Variants in CCDC50 observed in about 807,000 individuals in gnomAD.
CCDC50 encodes the protein coiled-coil domain-containing protein 50.
A neutral mutation model predicts 70.2 loss-of-function variants in CCDC50; 54 were observed. The observed-to-expected ratio is 0.77, with a 90% CI of 0.62 to 0.96. The LOEUF (loss-of-function observed/expected upper bound fraction) is 0.96, where lower values mean the gene tolerates loss of function less well. Among genes scored for constraint, CCDC50 ranks in the 50% least tolerant of loss-of-function variants. CCDC50 has a pLI of 0.00. For missense variants in CCDC50, 558 were observed against 578.7 expected (o/e 0.96, Z 0.37); for synonymous variants, 216 against 198.8 (o/e 1.09, Z -0.73).
In CCDC50 at chr3:191,357,077, A is replaced by G. The variant is rs1217313769; in HGVS notation, c.50-11A>G. On this transcript the variant is annotated splice_polypyrimidine_tract_variant and intron_variant, in intron 1 of 11. Coordinates refer to ENST00000392455, the MANE Select transcript of CCDC50 (RefSeq NM_178335.3). ...GAGCCTTCCTGTCTGTTTTTCCTCC[A>G]TCTACTCTAGTATGCCGAGATTTTG... 1 of 1,592,620 alleles carries G rather than the reference A, an allele frequency of 6.3e-7. No homozygotes were observed. The highest frequency in any genetic ancestry group is 8.6e-7 in the Non-Finnish European group (1 of 1,161,524).
intron 7 of CCDC50, 132 bp downstream of exon 7, chr3:191,380,406 A>C (rs1713277050): frequency 1.4e-6 from 1 of 737,174 alleles, no homozygotes; most frequent in Non-Finnish European, 2.4e-6. Flanking sequence ...AAAAATCATG[A>C]CAATAGGAAT....
chr3:191,357,084 C>G lies in CCDC50; in HGVS notation c.50-4C>G, dbSNP rs188384. ...CCTGTCTGTTTTTCCTCCATCTACTCTAGTATGCCGAGATTTTGCTGTCCT... is the reference window on the plus strand; with the variant it reads ...CCTGTCTGTTTTTCCTCCATCTACTGTAGTATGCCGAGATTTTGCTGTCCT... On this transcript the variant is annotated splice_region_variant and splice_polypyrimidine_tract_variant and intron_variant, in intron 1 of 11. Transcript: ENST00000392455. The G allele has an allele frequency of 0.55, 885,824 of 1,596,420 alleles. 256,916 individuals carry two copies. The highest frequency in any genetic ancestry group is 0.9 in the East Asian group (40,333 of 44,808).
At position 191,375,530 on chromosome 3, in the gene CCDC50, A is replaced by C; in HGVS notation, c.917A>C (p.His306Pro). The change falls in exon 6 of 12, where the codon CAC (histidine) becomes CCC (proline). Residue 306 changes from histidine to proline, a missense_variant. Coordinates refer to ENST00000392455, the MANE Select transcript of CCDC50 (RefSeq NM_178335.3). ...CAAGGTGAGCACAGAAAAAGGAGACACAGGCCCAGGACTCCTCCATTCTCA... is the reference window on the plus strand; with the variant it reads ...CAAGGTGAGCACAGAAAAAGGAGACCCAGGCCCAGGACTCCTCCATTCTCA... ...HGQGEHRKRRHRPRTPPFSES... is the reference protein window; with the variant it reads ...HGQGEHRKRRPRPRTPPFSES... 1 of 1,613,580 alleles carries C rather than the reference A, an allele frequency of 6.2e-7. No individual in the cohort carries two copies. The highest frequency in any genetic ancestry group is 2.2e-5 in the East Asian group (1 of 44,832).
chr3:191,372,382 G>A (rs551597201), intron 5 of CCDC50, among the ~76,000 whole-genome samples: 6 of 152,200 alleles, frequency 3.9e-5, no homozygotes, highest in African/African-American at 1.4e-4. Flanking sequence ...GTTATGTTTT[G>A]TTGAACATGG....
At position 191,394,441 on chromosome 3, in the gene CCDC50, C is replaced by A. The variant is rs1713797292; in HGVS notation, c.*2681C>A. ...TTTTCACTGTGTTCTCTGCTTTTTA[C>A]TTTGTCATTTTTATATAAATGTGAA... On this transcript the variant is annotated 3_prime_UTR_variant, in exon 12 of 12. Coordinates refer to ENST00000392455, the MANE Select transcript of CCDC50 (RefSeq NM_178335.3). 6.6e-6 allele frequency: 1 copy of A among 152,092 alleles called. No individual in the cohort carries two copies. Among genetic ancestry groups the A allele is most frequent in the Admixed American group, 6.5e-5 (1 of 15,272 alleles). 9.4% of individuals were successfully genotyped at this position (152,092 alleles called of 1,614,324 possible).
chr3:191,367,950 A>T (rs950749347), intron 4 of CCDC50, among the ~76,000 whole-genome samples: 1 of 152,182 alleles, frequency 6.6e-6, no homozygotes. Flanking sequence ...TGATTGATAG[A>T]TTACTTTGTA....
rs1338324430 is a variant in CCDC50, at chr3:191,329,723, G to A, written c.49G>A (p.Val17Ile). The change falls in exon 1 of 12, where the codon GTA (valine) becomes ATA (isoleucine). Residue 17 changes from valine (V) to isoleucine (I), a missense_variant and splice_region_variant. Coordinates refer to ENST00000392455, the MANE Select transcript of CCDC50 (RefSeq NM_178335.3). Reference sequence around the variant, plus strand: ...GTCCAAGCTGCCTGGAGTCAAGGAAGGTAAGGGCCCCGGAGGGAGAGCGCG... The same window carrying A: ...GTCCAAGCTGCCTGGAGTCAAGGAAAGTAAGGGCCCCGGAGGGAGAGCGCG... ...DQSKLPGVKE[V>I]CRDFAVLEDH... is the part of the protein sequence containing the mutation. 1 of 1,609,648 alleles carries A rather than the reference G, an allele frequency of 6.2e-7. No homozygotes were observed. Among genetic ancestry groups the A allele is most frequent in the Non-Finnish European group, 8.5e-7 (1 of 1,178,528 alleles).
intron 4 of CCDC50, among the ~76,000 whole-genome samples, chr3:191,363,828 G>A (rs1431654499): frequency 2.0e-5 from 3 of 152,158 alleles, no homozygotes; most frequent in Non-Finnish European, 4.4e-5. Context: ...ATGAGAAGAT[G>A]GCTACTGTGC....
chr3:191,394,898 A>G lies in CCDC50; in HGVS notation c.*3138A>G, dbSNP rs531957105. ...TATTTAAGGGAACATTGTGATTTTC[A>G]GAAAGTGGCTTTACATACTATTGAA... On this transcript the variant is annotated 3_prime_UTR_variant, in exon 12 of 12. Transcript: ENST00000392455. 1 of 152,314 alleles carries G rather than the reference A, an allele frequency of 6.6e-6. No homozygotes were observed. Among genetic ancestry groups the G allele is most frequent in the Admixed American group, 6.5e-5 (1 of 15,298 alleles). The allele number at this position is 152,314 out of a possible 1,614,324, so 9.4% of individuals were successfully genotyped here. A position where few individuals can be genotyped will look rare whatever the true frequency, so the allele number is the denominator to read the frequency against.
At chr3:191,377,295 A>G (rs1201577279) in intron 6 of CCDC50, among the ~76,000 whole-genome samples, 1 of 152,180 alleles carries the variant, frequency 6.6e-6, no homozygotes, top group African/African-American at 2.4e-5. Flanking sequence ...GTAAAAGCAC[A>G]ATTCTTAAAG....
chr3:191,396,925 A>G lies in CCDC50; in HGVS notation c.*5165A>G, dbSNP rs1239666233. On this transcript the variant is annotated 3_prime_UTR_variant, in exon 12 of 12. Coordinates refer to ENST00000392455, the MANE Select transcript of CCDC50 (RefSeq NM_178335.3). The stretch of plus-strand genomic sequence containing the variant: ...GAACACTGCCTAGTAACATTTTAAT[A>G]GATTTAAGATGCATTTGTACATTCT... 1 of 152,222 alleles carries G rather than the reference A, an allele frequency of 6.6e-6. No homozygotes were observed. The highest frequency in any genetic ancestry group is 1.5e-5 in the Non-Finnish European group (1 of 68,034). The allele number at this position is 152,222 out of a possible 1,614,324, so 9.4% of individuals were successfully genotyped here. A position where few individuals can be genotyped will look rare whatever the true frequency, so the allele number is the denominator to read the frequency against.
chr3:191,393,908 A>C lies in CCDC50; in HGVS notation c.*2148A>C, dbSNP rs914045361. On this transcript the variant is annotated 3_prime_UTR_variant, in exon 12 of 12. Transcript: ENST00000392455. ...ATGTATTTTTATTTGATAACTAGGC[A>C]AAATCATTTGCCATTTTTTATTTCA... 3.9e-5 allele frequency: 6 copies of C among 152,216 alleles called. No homozygotes were observed. Among genetic ancestry groups the C allele is most frequent in the African/African-American group, 1.4e-4 (6 of 41,474 alleles). The allele number at this position is 152,216 out of a possible 1,614,324, so 9.4% of individuals were successfully genotyped here. A position where few individuals can be genotyped will look rare whatever the true frequency, so the allele number is the denominator to read the frequency against.
At chr3:191,337,605 A>C (rs1711563465) in intron 1 of CCDC50, among the ~76,000 whole-genome samples, 1 of 152,058 alleles carries the variant, frequency 6.6e-6, no homozygotes, top group Non-Finnish European at 1.5e-5. Flanking sequence ...GGCCTCCCAA[A>C]GTGCTGGGAT....
At chr3:191,344,409 G>T (rs1294703429) in intron 1 of CCDC50, among the ~76,000 whole-genome samples, 3 of 152,160 alleles carry the variant, frequency 2.0e-5, no homozygotes, top group Non-Finnish European at 4.4e-5. Context: ...AAACTGAGGA[G>T]ATCTGAATTT....
At chr3:191,384,406 G>A (rs1260063276) in intron 10 of CCDC50, among the ~76,000 whole-genome samples, 1 of 152,184 alleles carries the variant, frequency 6.6e-6, no homozygotes, top group East Asian at 1.9e-4. Flanking sequence ...TATACTTTCT[G>A]GTTAGAATCT....
rs776661954 is a variant in CCDC50, at chr3:191,389,586, A to C, written c.1413A>C (p.Ser471=). 11 of 1,613,064 alleles carry C rather than the reference A, an allele frequency of 6.8e-6. No homozygotes were observed. Among genetic ancestry groups the C allele is most frequent in the Non-Finnish European group, 9.3e-6 (11 of 1,179,138 alleles). Reference sequence around the variant, plus strand: ...GTTCCACACGGCATTTCTCAAAATCAGAGTCCTCTCATAAAGGTAAGAAGA... The same window carrying C: ...GTTCCACACGGCATTTCTCAAAATCCGAGTCCTCTCATAAAGGTAAGAAGA... ...QQSSTRHFSK[S]ESSHKGFHYK... is the part of the protein sequence containing the mutation. The change falls in exon 11 of 12, where the codon TCA becomes TCC. Residue 471 remains serine, a synonymous_variant. Transcript: ENST00000392455.
At chr3:191,379,693 C>T (rs1307343486) in intron 6 of CCDC50, among the ~76,000 whole-genome samples, 2 of 152,126 alleles carry the variant, frequency 1.3e-5, no homozygotes, top group African/African-American at 2.4e-5. Context: ...TGCTGCTGTT[C>T]CTGCTCCCTC....
chr3:191,351,417 C>G lies in CCDC50; in HGVS notation c.50-5671C>G, dbSNP rs545524806. Among the ~76,000 whole-genome samples the G allele has an allele frequency of 1.4e-5, 2 of 140,890 alleles. 1 individual carries two copies. Among genetic ancestry groups the G allele is most frequent in the African/African-American group, 5.1e-5 (2 of 39,448 alleles). The allele number at this position is 140,890 out of a possible 152,430, so 92.4% of individuals were successfully genotyped here. ...AATTATTAAAATATACAAATTTTGT[C>G]TCTATTTTTCTACTGATTGCCAAGG... is the stretch of plus-strand genomic sequence containing the variant. On this transcript the variant is annotated intron_variant, in intron 1 of 11. Transcript: ENST00000392455.
intron 10 of CCDC50, among the ~76,000 whole-genome samples, chr3:191,388,351 AG>A (rs1209337424): frequency 9.9e-5 from 15 of 152,168 alleles, no homozygotes; most frequent in Non-Finnish European, 5.9e-5. Context: ...AATCCAGTTG[AG>A]TTTGAGCCCT....
Sources: allele counts gnomAD v4.1 joint callset (sites outside exome capture counted in the v4.1 genomes callset), GRCh38; gene constraint gnomAD v4.1.1; transcripts MANE v1.5; gene names NCBI Gene and HGNC (gene_info 2026-07-23, HGNC 2026-07-21).